PUS10: variants seen among roughly 807,000 people sequenced by gnomAD.
The protein encoded by PUS10 is tRNA pseudouridine synthase Pus10.
In PUS10, 59 loss-of-function variants were observed where a neutral mutation model predicts 75.0. The ratio of observed to expected loss-of-function variants is 0.79; its 90% CI spans 0.64 to 0.98. The LOEUF is 0.98. PUS10 is among the 50% of genes least tolerant of loss of function. PUS10 has a pLI of 0.00. For synonymous variants in PUS10, 219 were observed against 211.6 expected, an observed-to-expected ratio of 1.03 and a Z score of -0.30; for missense variants, 650 against 614.4, an observed-to-expected ratio of 1.06 and a Z score of -0.61.
intron 2 of PUS10, chr2:61,009,830 A>C (rs2104721432): frequency 6.6e-6 from 1 of 152,438 alleles, no homozygotes; most frequent in African/African-American, 2.4e-5. Context: ...TGTAAAGGGA[A>C]AAAATCTTTC....
chr2:60,957,705 G>C (rs2104294591), intron 11 of PUS10, among the ~76,000 whole-genome samples: 1 of 152,364 alleles, frequency 6.6e-6, no homozygotes, highest in African/African-American at 2.4e-5. Flanking sequence ...GTGGTGATCT[G>C]TTGCTCTCTG....
At chr2:60,971,166 C>T (rs2104413098) in intron 5 of PUS10, among the ~76,000 whole-genome samples, 1 of 149,790 alleles carries the variant, frequency 6.7e-6, no homozygotes, top group African/African-American at 2.4e-5. Flanking sequence ...GGTGACAGAA[C>T]AAGACTCCAC....
chr2:60,947,709 G>A (rs1382138226), intron 16 of PUS10, among the ~76,000 whole-genome samples: 1 of 151,426 alleles, frequency 6.6e-6, no homozygotes, highest in Non-Finnish European at 1.5e-5. Flanking sequence ...GGCGCCTGTA[G>A]TCCCAGCTAC....
chr2:61,005,686 A>T (rs896670625), intron 4 of PUS10, among the ~76,000 whole-genome samples: 15 of 152,192 alleles, frequency 9.9e-5, no homozygotes, highest in Admixed American at 3.9e-4. Context: ...CATCATCATC[A>T]TCCCCTTTAT....
intron 3 of PUS10, among the ~76,000 whole-genome samples, chr2:61,007,229 A>T (rs560049605): frequency 0.016 from 2,138 of 131,796 alleles, 30 homozygotes; most frequent in South Asian, 0.046. Context: ...TTTTTTTTTT[A>T]AAAAAAAGAA....
At chr2:61,006,780 C>T in intron 3 of PUS10, 137 bp from the exon 4 acceptor site, 1 of 635,224 alleles carries the variant, frequency 1.6e-6, no homozygotes, top group South Asian at 2.1e-5. Flanking sequence ...CAGTGGAACA[C>T]TCACAAATAT....
At chr2:60,975,476 A>G (rs1260298420) in intron 4 of PUS10, among the ~76,000 whole-genome samples, 1 of 152,104 alleles carries the variant, frequency 6.6e-6, no homozygotes, top group Non-Finnish European at 1.5e-5. Flanking sequence ...ACAAATTACT[A>G]TGAGTCAGAA....
chr2:60,988,658 T>C (rs953591701), intron 4 of PUS10, among the ~76,000 whole-genome samples: 20 of 152,148 alleles, frequency 1.3e-4, no homozygotes, highest in African/African-American at 4.3e-4. Flanking sequence ...TTTTTTGAGA[T>C]GGAGTCTTGC....
chr2:60,988,643 G>C (rs531924293), intron 4 of PUS10, among the ~76,000 whole-genome samples: 31 of 152,076 alleles, frequency 2.0e-4, no homozygotes, highest in African/African-American at 7.2e-4. Flanking sequence ...GTTTTTGTTT[G>C]TTTGTTTTTT....
intron 1 of PUS10, 90 bp downstream of exon 1, chr2:61,017,918 G>A: frequency 6.7e-7 from 1 of 1,483,418 alleles, no homozygotes; most frequent in Non-Finnish European, 9.2e-7. Context: ...GGAGGCGGTT[G>A]TAGCGGTTGT....
chr2:60,965,138 T>C (rs754444618), intron 7 of PUS10, 35 bp from the exon 8 acceptor site: 9 of 1,584,292 alleles, frequency 5.7e-6, no homozygotes, highest in Non-Finnish European at 7.8e-6. Flanking sequence ...AAAAGGTTAA[T>C]GAGTTTATTT....
intron 4 of PUS10, among the ~76,000 whole-genome samples, chr2:60,985,191 AAG>A (rs915276676): frequency 1.3e-5 from 2 of 152,228 alleles, no homozygotes; most frequent in Non-Finnish European, 2.9e-5. Flanking sequence ...ATTTACTAAA[AAG>A]AAATTAAAAG....
chr2:60,980,746 T>C (rs986345691), intron 4 of PUS10, among the ~76,000 whole-genome samples: 4 of 152,144 alleles, frequency 2.6e-5, no homozygotes, highest in Non-Finnish European at 5.9e-5. Flanking sequence ...ATTATATATA[T>C]AGATGAAGAT....
rs775580307 is a variant in PUS10 at position 60,965,412 on chromosome 2, T to G, written c.677+11A>C. 10 of 1,606,338 alleles carry G rather than the reference T, an allele frequency of 6.2e-6. No individual in the cohort carries two copies. In the African/African-American group the frequency reaches 1.3e-4, roughly 22 times the overall value. On this transcript the variant is annotated intron_variant, in intron 7 of 17. Coordinates refer to ENST00000316752, the MANE Select transcript of PUS10 (RefSeq NM_144709.4). ...TTTTACACCATTGACGTTGTTTACA[T>G]GGCAACTTACAGGAAGTGGCAATCC...
intron 4 of PUS10, among the ~76,000 whole-genome samples, chr2:60,991,614 G>A (rs1678082664): frequency 6.6e-6 from 1 of 152,040 alleles, no homozygotes; most frequent in South Asian, 2.1e-4. Flanking sequence ...GCACCACCAT[G>A]TCCAGCTAAT....
At chr2:60,979,800 T>C (rs1163563498) in intron 4 of PUS10, among the ~76,000 whole-genome samples, 1 of 152,196 alleles carries the variant, frequency 6.6e-6, no homozygotes, top group African/African-American at 2.4e-5. Flanking sequence ...TTAGATAGCA[T>C]TGAAAAGGTT....
intron 4 of PUS10, among the ~76,000 whole-genome samples, chr2:60,995,699 T>C (rs1407095899): frequency 6.6e-6 from 1 of 152,236 alleles, no homozygotes; most frequent in Non-Finnish European, 1.5e-5. Flanking sequence ...GGAAATCATT[T>C]TAAAGAAAAA....
chr2:61,010,522 T>C (rs1679531615), intron 2 of PUS10: 2 of 260,688 alleles, frequency 7.7e-6, no homozygotes, highest in Non-Finnish European at 1.5e-5. Flanking sequence ...AGACAGGGTT[T>C]CATCATCTTG....
intron 4 of PUS10, among the ~76,000 whole-genome samples, chr2:61,005,810 G>A (rs1679172136): frequency 6.6e-6 from 1 of 152,042 alleles, no homozygotes; most frequent in Non-Finnish European, 1.5e-5. Context: ...ACAATCTTCA[G>A]CTTATTTGGA....
Sources: gnomAD v4.1 joint callset for allele counts (sites outside exome capture counted in the v4.1 genomes callset) on GRCh38, gnomAD v4.1.1 for gene constraint, MANE v1.5 for transcripts, NCBI Gene and HGNC (gene_info 2026-07-23, HGNC 2026-07-21) for gene names.